Variants in CIB1 observed in about 807,000 individuals in gnomAD.
CIB1 encodes the protein calcium and integrin binding 1.
Under a neutral mutation model 25.0 loss-of-function variants are expected in CIB1, and 19 were observed. The observed-to-expected ratio is 0.76, with a 90% CI of 0.53 to 1.12. The LOEUF (loss-of-function observed/expected upper bound fraction) is 1.12, where lower values mean the gene tolerates loss of function less well. Ranked by LOEUF, CIB1 falls within the 50% of genes most tolerant of loss-of-function variation. CIB1 has a pLI of 0.00. For missense variants in CIB1, 236 were observed against 242.6 expected, an observed-to-expected ratio of 0.97 and a Z score of 0.18; for synonymous variants, 104 against 98.5, an observed-to-expected ratio of 1.06 and a Z score of -0.33.
intron 1 of CIB1, 25 bp downstream of exon 1, chr15:90,233,810 C>A: frequency 6.5e-7 from 1 of 1,548,556 alleles, no homozygotes; most frequent in Non-Finnish European, 8.7e-7. Context: ...CACGCGAGCT[C>A]CCCAGGGCCA....
the CIB1 span, chr15:90,262,621 G>A: frequency 6.5e-7 from 1 of 1,528,362 alleles, no homozygotes; most frequent in Non-Finnish European, 8.7e-7. Flanking sequence ...CAGGGCTCCA[G>A]AGCCTTTCCA....
the CIB1 span, among the ~76,000 whole-genome samples, chr15:90,261,410 A>G: frequency 1.3e-5 from 2 of 150,576 alleles, no homozygotes; most frequent in African/African-American, 2.4e-5. Flanking sequence ...TGGAAAGCTA[A>G]TATCAAAACA....
chr15:90,232,264 C>A lies in CIB1; in HGVS notation c.150G>T (p.Arg50=), dbSNP rs369869875. Residue 50 remains arginine (R), a synonymous_variant, in exon 3 of 7, where the codon CGG becomes CGT. Transcript: ENST00000328649. ...QEQRSVESSL[R]AQVPFEQILS... is the part of the protein sequence containing the mutation. ...GAATCTGCTCGAAGGGCACTTGTGC[C>A]CGAAGTGACGACTCCACGCTCCGCT... The A allele has an allele frequency of 1.2e-6, 2 of 1,612,738 alleles. No homozygotes were observed. The highest frequency in any genetic ancestry group is 1.1e-5 in the South Asian group (1 of 90,878).
chr15:90,257,725 A>G, the CIB1 span: 1 of 1,613,362 alleles, frequency 6.2e-7, no homozygotes, highest in Non-Finnish European at 8.5e-7. Context: ...AGTAAGAGGT[A>G]CTCCCTACTC....
At chr15:90,236,388 C>T (rs976104940), upstream of CIB1, among the ~76,000 whole-genome samples, 2 of 152,172 alleles carry the variant, frequency 1.3e-5, no homozygotes, top group Non-Finnish European at 2.9e-5. Flanking sequence ...TGCCTGGTGA[C>T]CAGCTGTGAT....
chr15:90,258,100 G>GGGACATCGA, the CIB1 span: 1 of 1,614,184 alleles, frequency 6.2e-7, no homozygotes, highest in East Asian at 2.2e-5. Context: ...GAGCTGTGGG[G>GGGACATCGA]GGACATCGAG....
the CIB1 span, chr15:90,263,928 TC>T: frequency 1.3e-6 from 2 of 1,490,372 alleles, no homozygotes; most frequent in Non-Finnish European, 1.8e-6. Context: ...TCCCACATGT[TC>T]CCCGGTACCA....
the CIB1 span, among the ~76,000 whole-genome samples, chr15:90,240,673 C>T: frequency 4.0e-5 from 6 of 151,714 alleles, no homozygotes; most frequent in East Asian, 1.9e-4. Flanking sequence ...ATTACCCGGG[C>T]ATGGTGGTGC....
chr15:90,256,594 TTTCTTTCTTTC>T, the CIB1 span, among the ~76,000 whole-genome samples: 1 of 33,024 alleles, frequency 3.0e-5, no homozygotes, highest in Non-Finnish European at 5.9e-5. Flanking sequence ...TCTTTCTTTC[TTTCTTTCTTTC>T]TTTCCTTCCT....
At chr15:90,262,549 G>A in the CIB1 span, 4 of 1,532,926 alleles carry the variant, frequency 2.6e-6, no homozygotes, top group African/African-American at 1.4e-5. Flanking sequence ...CGGGCACTAA[G>A]AGGCAAAAGG....
At chr15:90,262,244 G>T in the CIB1 span, 1 of 1,448,856 alleles carries the variant, frequency 6.9e-7, no homozygotes, top group East Asian at 2.5e-5. Context: ...AAGTCCTGAA[G>T]CTGCATTGCT....
At chr15:90,248,486 G>A in the CIB1 span, among the ~76,000 whole-genome samples, 2 of 151,936 alleles carry the variant, frequency 1.3e-5, no homozygotes, top group Admixed American at 1.3e-4. Flanking sequence ...AAGCCAAGGT[G>A]GGCAGGTCAC....
the CIB1 span, among the ~76,000 whole-genome samples, chr15:90,247,692 T>C: frequency 6.6e-6 from 1 of 151,312 alleles, no homozygotes; most frequent in Non-Finnish European, 1.5e-5. Context: ...AAAGAAGGCA[T>C]ATGCAGATTT....
chr15:90,263,135 A>G, the CIB1 span: 2 of 1,525,806 alleles, frequency 1.3e-6, no homozygotes, highest in Non-Finnish European at 1.7e-6. Context: ...AAAAAACTTC[A>G]TGAGAGTCGG....
the CIB1 span, among the ~76,000 whole-genome samples, chr15:90,254,429 G>A: frequency 6.7e-6 from 1 of 149,750 alleles, no homozygotes; most frequent in African/African-American, 2.5e-5. Context: ...GGAGGCGGAG[G>A]TTGCAGTGAG....
intron 6 of CIB1, 34 bp from the exon 7 acceptor site, chr15:90,230,539 G>T: frequency 3.9e-6 from 6 of 1,551,284 alleles, no homozygotes; most frequent in Non-Finnish European, 4.4e-6. Flanking sequence ...TTTTCTGCTG[G>T]AAGAGGAGGG....
chr15:90,261,596 G>A, the CIB1 span, among the ~76,000 whole-genome samples: 8 of 151,684 alleles, frequency 5.3e-5, no homozygotes, highest in South Asian at 4.2e-4. Flanking sequence ...CCTTGCCAAC[G>A]TGGTGAAACC....
At chr15:90,265,314 G>A in the CIB1 span, 1 of 1,209,154 alleles carries the variant, frequency 8.3e-7, no homozygotes, top group Non-Finnish European at 1.0e-6. Flanking sequence ...CTTTCCCAGA[G>A]AAGCCGAGTG....
At chr15:90,237,907 A>G (rs1186103879), upstream of CIB1, among the ~76,000 whole-genome samples, 1 of 152,106 alleles carries the variant, frequency 6.6e-6, no homozygotes, top group African/African-American at 2.4e-5. Context: ...AGGTGAGAAT[A>G]AGATACTACA....
Sources: allele counts gnomAD v4.1 joint callset (sites outside exome capture counted in the v4.1 genomes callset), GRCh38; gene constraint gnomAD v4.1.1; transcripts MANE v1.5; gene names NCBI Gene and HGNC (gene_info 2026-07-23, HGNC 2026-07-21).